CADM2: variants seen among roughly 807,000 people sequenced by gnomAD.
CADM2 encodes immunoglobulin superfamily member 4D.
Under a neutral mutation model 49.8 loss-of-function variants are expected in CADM2, and 12 were observed. That is an observed-to-expected ratio of 0.24 (90% CI 0.15 to 0.39). The LOEUF is 0.39. Ranked by LOEUF, CADM2 falls within the 10% of genes least tolerant of loss-of-function variation. The pLI, the probability that CADM2 is intolerant of heterozygous loss-of-function variation, is 1.00. For missense variants in CADM2, 378 were observed against 492.3 expected (o/e 0.77, Z 2.20); for synonymous variants, 214 against 175.4 (o/e 1.22, Z -1.74).
At chr3:85,322,161 G>A (rs1287166099) in intron 1 of CADM2, among the ~76,000 whole-genome samples, 1 of 152,096 alleles carries the variant, frequency 6.6e-6, no homozygotes, top group Non-Finnish European at 1.5e-5. Context: ...AAATAAAAGT[G>A]TTCCATTGAG....
intron 1 of CADM2, among the ~76,000 whole-genome samples, chr3:85,465,520 A>G (rs999463903): frequency 6.6e-6 from 1 of 152,158 alleles, no homozygotes; most frequent in African/African-American, 2.4e-5. Flanking sequence ...AAGTACCATC[A>G]TGTCACTATT....
chr3:85,906,544 A>G (rs1716836166), intron 5 of CADM2, among the ~76,000 whole-genome samples: 1 of 152,144 alleles, frequency 6.6e-6, no homozygotes, highest in Admixed American at 6.5e-5. Flanking sequence ...TCATACCTGT[A>G]GAGTCAGTTA....
intron 3 of CADM2, among the ~76,000 whole-genome samples, chr3:85,810,899 A>G (rs2072832067): frequency 6.6e-6 from 1 of 152,174 alleles, no homozygotes; most frequent in African/African-American, 2.4e-5. Context: ...ATTATTGGCA[A>G]TTCTTTAAAC....
chr3:85,460,682 C>G (rs1311753187), intron 1 of CADM2, among the ~76,000 whole-genome samples: 4 of 151,690 alleles, frequency 2.6e-5, no homozygotes, highest in Non-Finnish European at 1.5e-5. Flanking sequence ...TAGTATAAAT[C>G]TTAACTACTA....
At chr3:86,058,622 A>T (rs930369104) in intron 8 of CADM2, among the ~76,000 whole-genome samples, 1 of 152,138 alleles carries the variant, frequency 6.6e-6, no homozygotes. Context: ...CTTTGAAAAC[A>T]TATTTATTTT....
At chr3:85,843,205 T>G (rs1467035130) in intron 3 of CADM2, among the ~76,000 whole-genome samples, 1 of 152,138 alleles carries the variant, frequency 6.6e-6, no homozygotes, top group Non-Finnish European at 1.5e-5. Context: ...GAGATTATAT[T>G]TAGAATCCAT....
intron 1 of CADM2, among the ~76,000 whole-genome samples, chr3:85,039,028 C>T (rs1263947543): frequency 2.0e-5 from 3 of 151,964 alleles, no homozygotes; most frequent in Non-Finnish European, 4.4e-5. Flanking sequence ...TTCTTATAAA[C>T]ACAGAGAGAG....
chr3:84,996,434 A>G (rs2033182665), intron 1 of CADM2, among the ~76,000 whole-genome samples: 1 of 152,086 alleles, frequency 6.6e-6, no homozygotes, highest in Non-Finnish European at 1.5e-5. Flanking sequence ...ATACTCTATT[A>G]TCAACTGTCT....
chr3:85,019,711 A>T (rs1002330028), intron 1 of CADM2, among the ~76,000 whole-genome samples: 14 of 152,352 alleles, frequency 9.2e-5, no homozygotes, highest in African/African-American at 3.4e-4. Flanking sequence ...GAGCTCAGGA[A>T]ATAAGCAGTA....
At chr3:85,542,813 C>T (rs2061577206) in intron 1 of CADM2, among the ~76,000 whole-genome samples, 1 of 152,172 alleles carries the variant, frequency 6.6e-6, no homozygotes, top group Non-Finnish European at 1.5e-5. Context: ...AGTTTAGCAT[C>T]AAATATGTTA....
At chr3:85,493,932 A>C (rs932698346) in intron 1 of CADM2, among the ~76,000 whole-genome samples, 5 of 152,212 alleles carry the variant, frequency 3.3e-5, no homozygotes, top group African/African-American at 9.6e-5. Flanking sequence ...CTTATGACAT[A>C]TTTTATTTCA....
intron 3 of CADM2, among the ~76,000 whole-genome samples, chr3:85,879,065 A>G (rs1712350852): frequency 6.6e-6 from 1 of 150,424 alleles, no homozygotes; most frequent in Non-Finnish European, 1.5e-5. Flanking sequence ...TTTTAAAATT[A>G]TATATAAATA....
At chr3:85,087,567 G>C (rs1278356656) in intron 1 of CADM2, among the ~76,000 whole-genome samples, 1 of 152,026 alleles carries the variant, frequency 6.6e-6, no homozygotes, top group African/African-American at 2.4e-5. Flanking sequence ...TACAAAGAAG[G>C]CTTTTAAGAA....
intron 2 of CADM2, among the ~76,000 whole-genome samples, chr3:85,781,936 T>C (rs2070674346): frequency 6.6e-6 from 1 of 152,244 alleles, no homozygotes; most frequent in Admixed American, 6.5e-5. Context: ...GTAAATGTTA[T>C]GCACAGGAAG....
At chr3:85,620,570 ATTCT>A (rs1299606260) in intron 1 of CADM2, among the ~76,000 whole-genome samples, 2 of 152,166 alleles carry the variant, frequency 1.3e-5, no homozygotes, top group East Asian at 3.9e-4. Context: ...GTAAATACTG[ATTCT>A]TTATTTTGCT....
At chr3:85,747,612 T>C (rs1327124209) in intron 2 of CADM2, among the ~76,000 whole-genome samples, 1 of 152,110 alleles carries the variant, frequency 6.6e-6, no homozygotes, top group Non-Finnish European at 1.5e-5. Flanking sequence ...TCTTCTATGA[T>C]GTTCTGGTGC....
intron 2 of CADM2, among the ~76,000 whole-genome samples, chr3:85,791,823 A>T (rs1029467454): frequency 1.3e-5 from 2 of 152,084 alleles, no homozygotes; most frequent in African/African-American, 4.8e-5. Context: ...TCCTGGGTTC[A>T]CGCCATTCTC....
chr3:85,918,026 CTT>C (rs1718598997), intron 6 of CADM2, among the ~76,000 whole-genome samples: 1 of 152,166 alleles, frequency 6.6e-6, no homozygotes, highest in South Asian at 2.1e-4. Context: ...TGTCCTGAGA[CTT>C]TGCTGAAGTT....
intron 3 of CADM2, among the ~76,000 whole-genome samples, chr3:85,811,914 T>C (rs9818122): frequency 0.19 from 29,189 of 150,868 alleles, 3,086 homozygotes; most frequent in African/African-American, 0.21. Flanking sequence ...ATTAGTAGCT[T>C]TTAAGGAAGG....
Sources: allele counts gnomAD v4.1 joint callset (sites outside exome capture counted in the v4.1 genomes callset), GRCh38; gene constraint gnomAD v4.1.1; transcripts MANE v1.5; gene names NCBI Gene and HGNC (gene_info 2026-07-23, HGNC 2026-07-21).